CDH18: variants seen among roughly 807,000 people sequenced by gnomAD.
CDH18 encodes cadherin-18.
CDH18 carries 31 observed loss-of-function variants against 67.9 expected under a neutral mutation model. The ratio of observed to expected loss-of-function variants is 0.46; its 90% CI spans 0.34 to 0.62. The LOEUF (loss-of-function observed/expected upper bound fraction) is 0.62. CDH18 is among the 20% of genes least tolerant of loss of function. CDH18 has a pLI of 0.01. For missense variants in CDH18, 890 were observed against 975.5 expected (o/e 0.91, Z 1.17); for synonymous variants, 362 against 347.2 (o/e 1.04, Z -0.48).
intron 2 of CDH18, among the ~76,000 whole-genome samples, chr5:20,188,551 G>A (rs1447103182): frequency 3.3e-5 from 5 of 151,892 alleles, no homozygotes; most frequent in Non-Finnish European, 5.9e-5. Context: ...CAAGAACTGT[G>A]CTAAGTACTT....
chr5:20,480,584 A>C (rs1752729840), intron 1 of CDH18, among the ~76,000 whole-genome samples: 1 of 151,938 alleles, frequency 6.6e-6, no homozygotes, highest in African/African-American at 2.4e-5. Context: ...CACTTGGCTA[A>C]GTTTTGTATT....
chr5:19,701,290 G>C (rs1482260430), intron 5 of CDH18, among the ~76,000 whole-genome samples: 2 of 152,148 alleles, frequency 1.3e-5, no homozygotes, highest in Admixed American at 6.5e-5. Context: ...TATCCTGTTT[G>C]TGTCAGTGTG....
intron 1 of CDH18, among the ~76,000 whole-genome samples, chr5:20,535,942 C>CTG (rs1756690363): frequency 1.3e-5 from 2 of 152,152 alleles, no homozygotes; most frequent in African/African-American, 4.8e-5. Context: ...TCACTTTCTA[C>CTG]TTGCTACACT....
At chr5:19,571,896 T>G (rs2149939048) in intron 7 of CDH18, 64 bp from the exon 8 acceptor site, 1 of 1,237,136 alleles carries the variant, frequency 8.1e-7, no homozygotes, top group Admixed American at 2.2e-5. Context: ...CTTTCATTAC[T>G]TTTCAAATAT....
At chr5:19,508,387 G>T (rs1374437364) in intron 10 of CDH18, among the ~76,000 whole-genome samples, 1 of 151,814 alleles carries the variant, frequency 6.6e-6, no homozygotes, top group Non-Finnish European at 1.5e-5. Flanking sequence ...CTATTTCTTT[G>T]TCCAATTGCT....
intron 2 of CDH18, among the ~76,000 whole-genome samples, chr5:20,233,497 TTC>T (rs1010883801): frequency 1.3e-5 from 2 of 152,012 alleles, no homozygotes; most frequent in Admixed American, 6.6e-5. Flanking sequence ...TTCTATTTTC[TTC>T]TGTTTTCTTT....
chr5:20,535,604 G>A (rs1376860818), intron 1 of CDH18, among the ~76,000 whole-genome samples: 11 of 152,008 alleles, frequency 7.2e-5, no homozygotes, highest in African/African-American at 2.2e-4. Context: ...TCTGCCTATC[G>A]CAGAAAGCCC....
Position 19,735,058 on chromosome 5 carries a change from G to A in CDH18, c.523+11884C>T, listed in dbSNP as rs184032227. On this transcript the variant is annotated intron_variant, in intron 4 of 12. Transcript: ENST00000382275. Reference sequence around the variant, plus strand: ...CTGAGTCACTACCCTCCATAACACAGGTGAGTGTTTGCAAAGCATCTAACC... The same window carrying A: ...CTGAGTCACTACCCTCCATAACACAAGTGAGTGTTTGCAAAGCATCTAACC... Among the ~76,000 whole-genome samples, 288 of 152,244 alleles carry A rather than the reference G, an allele frequency of 1.9e-3. 1 individual carries two copies. The highest frequency in any genetic ancestry group is 0.01 in the Middle Eastern group (3 of 294).
At chr5:20,128,792 A>C (rs1191459262) in intron 2 of CDH18, among the ~76,000 whole-genome samples, 1 of 152,156 alleles carries the variant, frequency 6.6e-6, no homozygotes, top group East Asian at 1.9e-4. Flanking sequence ...ATAAGATCTT[A>C]GAAAATAAAT....
chr5:20,497,257 G>A (rs913936684), intron 1 of CDH18, among the ~76,000 whole-genome samples: 4 of 152,090 alleles, frequency 2.6e-5, no homozygotes, highest in Admixed American at 2.6e-4. Context: ...TTCTCTTATA[G>A]TTCTTGTCAA....
At chr5:20,099,460 A>T (rs1396089836) in intron 2 of CDH18, among the ~76,000 whole-genome samples, 3 of 152,204 alleles carry the variant, frequency 2.0e-5, no homozygotes, top group Admixed American at 6.5e-5. Context: ...ACCCTTGATA[A>T]GGAGATATTT....
chr5:19,503,243 A>G, intron 10 of CDH18, 134 bp from the exon 11 acceptor site: 1 of 598,404 alleles, frequency 1.7e-6, no homozygotes, highest in South Asian at 2.2e-5. Context: ...TTTCAAATTC[A>G]GGTCATAAAA....
intron 1 of CDH18, among the ~76,000 whole-genome samples, chr5:20,385,970 G>T (rs1366903378): frequency 6.6e-6 from 1 of 152,078 alleles, no homozygotes; most frequent in Non-Finnish European, 1.5e-5. Flanking sequence ...AATTTCATAG[G>T]TGTAGTTGTT....
chr5:20,206,881 C>A (rs1279388073), intron 2 of CDH18, among the ~76,000 whole-genome samples: 2 of 151,954 alleles, frequency 1.3e-5, no homozygotes, highest in Admixed American at 6.6e-5. Context: ...GAGAACCCCA[C>A]AACTAATATC....
intron 5 of CDH18, among the ~76,000 whole-genome samples, chr5:19,679,115 T>C (rs1028943312): frequency 2.6e-5 from 4 of 152,054 alleles, no homozygotes; most frequent in African/African-American, 7.2e-5. Flanking sequence ...CAAGTAGGCT[T>C]TACCTCTGGA....
intron 2 of CDH18, among the ~76,000 whole-genome samples, chr5:20,068,214 C>T (rs563306141): frequency 6.6e-6 from 1 of 151,920 alleles, no homozygotes; most frequent in Non-Finnish European, 1.5e-5. Flanking sequence ...TTGTTCTTTA[C>T]AGAAAACTTT....
Position 19,473,328 on chromosome 5 carries a change from C to G in CDH18, c.2271G>C (p.Thr757=). The part of the protein sequence containing the change: ...AGSISSLDSA[T]TQSDQDYHYL... The stretch of plus-strand genomic sequence containing the variant: ...AGTGATAATCCTGGTCTGATTGTGT[C>G]GTTGCTGAATCCAGCGAGCTGATAG... Residue 757 remains threonine, a synonymous_variant, in exon 13 of 13, where the codon ACG becomes ACC. Transcript: ENST00000382275. The G allele has an allele frequency of 6.2e-7, 1 of 1,613,848 alleles. No individual in the cohort carries two copies.
At chr5:20,056,923 G>A (rs1166722879) in intron 2 of CDH18, among the ~76,000 whole-genome samples, 1 of 151,358 alleles carries the variant, frequency 6.6e-6, no homozygotes, top group Non-Finnish European at 1.5e-5. Flanking sequence ...CTGACCTGGT[G>A]ATCAGCCCGT....
intron 7 of CDH18, among the ~76,000 whole-genome samples, chr5:19,590,133 T>C (rs1052904117): frequency 5.3e-5 from 8 of 152,108 alleles, no homozygotes; most frequent in Admixed American, 2.0e-4. Flanking sequence ...ATGTGGAACA[T>C]AGCAACTGAC....
Sources: allele counts gnomAD v4.1 joint callset (sites outside exome capture counted in the v4.1 genomes callset), GRCh38; gene constraint gnomAD v4.1.1; transcripts MANE v1.5; gene names NCBI Gene and HGNC (gene_info 2026-07-23, HGNC 2026-07-21).